NAALADL2: variants seen among roughly 807,000 people sequenced by gnomAD.
The protein encoded by NAALADL2 is inactive N-acetylated-alpha-linked acidic dipeptidase-like protein 2.
NAALADL2 carries 76 observed loss-of-function variants against 87.2 expected under a neutral mutation model. The ratio of observed to expected loss-of-function variants is 0.87; its 90% CI spans 0.72 to 1.05. NAALADL2 has a LOEUF of 1.05. Among genes scored for constraint, NAALADL2 ranks in the 50% least tolerant of loss-of-function variants. The pLI is 0.00. For missense variants in NAALADL2, 1,089 were observed against 945.8 expected, an observed-to-expected ratio of 1.15 and a Z score of -1.99; for synonymous variants, 354 against 331.0, an observed-to-expected ratio of 1.07 and a Z score of -0.75.
intron 3 of NAALADL2, among the ~76,000 whole-genome samples, chr3:174,832,702 G>A (rs772352990): frequency 4.8e-4 from 73 of 152,040 alleles, no homozygotes; most frequent in Non-Finnish European, 8.2e-4. Context: ...TCTTGACGTC[G>A]TGATCCGCCC....
intron 2 of NAALADL2, among the ~76,000 whole-genome samples, chr3:174,592,981 CAG>C (rs1418906177): frequency 1.3e-5 from 2 of 151,986 alleles, no homozygotes; most frequent in Non-Finnish European, 2.9e-5. Flanking sequence ...GAGAAAGAGA[CAG>C]AGGTTTTCAG....
At chr3:174,840,575 A>G (rs1411533543) in intron 3 of NAALADL2, among the ~76,000 whole-genome samples, 2 of 152,148 alleles carry the variant, frequency 1.3e-5, no homozygotes, top group Non-Finnish European at 2.9e-5. Flanking sequence ...ACTTTTTCTC[A>G]AAGTTGTTCA....
chr3:174,473,568 G>T (rs1053464379), intron 1 of NAALADL2, among the ~76,000 whole-genome samples: 1 of 152,040 alleles, frequency 6.6e-6, no homozygotes, highest in Non-Finnish European at 1.5e-5. Flanking sequence ...TTATTAAAAA[G>T]ATATAATATG....
intron 2 of NAALADL2, among the ~76,000 whole-genome samples, chr3:174,720,579 G>A (rs929817963): frequency 1.3e-5 from 2 of 152,062 alleles, no homozygotes; most frequent in African/African-American, 4.8e-5. Context: ...AGAACATTTT[G>A]CAATGAAAGC....
At chr3:174,760,750 AATG>A in intron 3 of NAALADL2, among the ~76,000 whole-genome samples, 1 of 152,334 alleles carries the variant, frequency 6.6e-6, no homozygotes, top group Non-Finnish European at 1.5e-5. Flanking sequence ...TTGGTAATGT[AATG>A]AACATTAGCA....
At chr3:175,101,740 G>A (rs185516050) in intron 2 of NAALADL2, among the ~76,000 whole-genome samples, 1 of 152,110 alleles carries the variant, frequency 6.6e-6, no homozygotes, top group African/African-American at 2.4e-5. Flanking sequence ...AATTAATGAG[G>A]TTTAGTTTAT....
chr3:175,285,564 G>C (rs529288430), intron 4 of NAALADL2, among the ~76,000 whole-genome samples: 2 of 152,180 alleles, frequency 1.3e-5, no homozygotes, highest in South Asian at 4.1e-4. Flanking sequence ...TTTGTTGATA[G>C]GAAATTAGCT....
At chr3:175,607,232 G>A (rs1420704634) in intron 10 of NAALADL2, among the ~76,000 whole-genome samples, 3 of 152,222 alleles carry the variant, frequency 2.0e-5, no homozygotes, top group African/African-American at 7.2e-5. Flanking sequence ...TAAAGAAATG[G>A]AAAGCAAATA....
At chr3:174,565,382 A>G (rs1053821271) in intron 2 of NAALADL2, among the ~76,000 whole-genome samples, 1 of 151,862 alleles carries the variant, frequency 6.6e-6, no homozygotes, top group African/African-American at 2.4e-5. Flanking sequence ...TACCGTCCAT[A>G]GTTTTGCCTT....
intron 3 of NAALADL2, among the ~76,000 whole-genome samples, chr3:174,743,712 T>G (rs2109016618): frequency 6.6e-6 from 1 of 152,032 alleles, no homozygotes; most frequent in East Asian, 1.9e-4. Flanking sequence ...AGTTTCATAC[T>G]TTGAAAGTCA....
chr3:175,285,877 T>C lies in NAALADL2; in HGVS notation c.939+29347T>C, dbSNP rs370741333. On this transcript the variant is annotated intron_variant, in intron 4 of 13. Coordinates refer to ENST00000454872, the MANE Select transcript of NAALADL2 (RefSeq NM_207015.3). ...CTCCAGTTATTTCTACCCTCAAAGA[T>C]AGTAAATTTGATTAAGAAAATAAGT... Among the ~76,000 whole-genome samples, 19 of 152,314 alleles carry C rather than the reference T, an allele frequency of 1.2e-4. No individual in the cohort carries two copies. The South Asian group carries it at 3.9e-3, about 32-fold the overall frequency.
chr3:175,515,006 G>T (rs1439330122), intron 9 of NAALADL2, among the ~76,000 whole-genome samples: 4 of 152,128 alleles, frequency 2.6e-5, no homozygotes, highest in Non-Finnish European at 4.4e-5. Flanking sequence ...AAGAAATTCT[G>T]AGATATGGTA....
intron 2 of NAALADL2, among the ~76,000 whole-genome samples, chr3:175,199,792 T>C (rs1322462526): frequency 2.2e-5 from 3 of 134,940 alleles, no homozygotes; most frequent in South Asian, 2.5e-4. Context: ...ATCTTCTTAA[T>C]CTTTTTCTTT....
chr3:175,244,605 CT>C (rs1747606016), intron 3 of NAALADL2, among the ~76,000 whole-genome samples: 1 of 152,102 alleles, frequency 6.6e-6, no homozygotes, highest in Non-Finnish European at 1.5e-5. Context: ...AAATGCATAA[CT>C]TTTTATTTCA....
intron 1 of NAALADL2, among the ~76,000 whole-genome samples, chr3:174,955,526 A>G (rs891291091): frequency 1.3e-5 from 2 of 152,204 alleles, no homozygotes; most frequent in Admixed American, 6.6e-5. Context: ...GATTATCACA[A>G]ATGATGATAC....
chr3:174,554,889 A>C (rs1712565949), intron 2 of NAALADL2, among the ~76,000 whole-genome samples: 1 of 152,214 alleles, frequency 6.6e-6, no homozygotes, highest in East Asian at 1.9e-4. Flanking sequence ...GAAGGTCCAG[A>C]TCAAGTAGCC....
chr3:175,802,654 A>AAGAT (rs59124967), intron 13 of NAALADL2, among the ~76,000 whole-genome samples: 1 of 151,512 alleles, frequency 6.6e-6, no homozygotes, highest in African/African-American at 2.4e-5. Context: ...GGTATAATTT[A>AAGAT]TTTTTTTCTG....
chr3:174,613,775 T>A (rs192701162), intron 2 of NAALADL2, among the ~76,000 whole-genome samples: 1 of 152,330 alleles, frequency 6.6e-6, no homozygotes, highest in Admixed American at 6.5e-5. Flanking sequence ...AGTCTACCCT[T>A]CTGTTGCAAA....
At chr3:175,004,487 G>T (rs1322324134) in intron 1 of NAALADL2, among the ~76,000 whole-genome samples, 1 of 151,278 alleles carries the variant, frequency 6.6e-6, no homozygotes, top group Admixed American at 6.6e-5. Context: ...GCTAATTCAG[G>T]TATTGTGGGG....
Sources: allele counts gnomAD v4.1 joint callset (sites outside exome capture counted in the v4.1 genomes callset), GRCh38; gene constraint gnomAD v4.1.1; transcripts MANE v1.5; gene names NCBI Gene and HGNC (gene_info 2026-07-23, HGNC 2026-07-21).